AKAP9: variants seen among roughly 807,000 people sequenced by gnomAD.
AKAP9 encodes A-kinase anchor protein 9.
A neutral mutation model predicts 488.5 loss-of-function variants in AKAP9; 311 were observed. The ratio of observed to expected loss-of-function variants is 0.64; its 90% CI spans 0.58 to 0.70. AKAP9 has a LOEUF of 0.70. AKAP9 is among the 30% of genes least tolerant of loss of function. The pLI, the probability that AKAP9 is intolerant of heterozygous loss-of-function variation, is 0.00. For missense variants in AKAP9, 4,215 were observed against 4,374.5 expected (o/e 0.96, Z 1.03); for synonymous variants, 1,462 against 1,483.5 (o/e 0.99, Z 0.33).
At chr7:92,108,895 T>C (rs898068804) in intron 49 of AKAP9, 1 of 511,118 alleles carries the variant, frequency 2.0e-6, no homozygotes, top group Non-Finnish European at 3.6e-6. Context: ...AGCGGACTGA[T>C]GACACAAAAT....
chr7:92,015,499 G>A (rs961982100), intron 10 of AKAP9, among the ~76,000 whole-genome samples: 1 of 151,866 alleles, frequency 6.6e-6, no homozygotes, highest in African/African-American at 2.4e-5. Context: ...GAGTAGCTGG[G>A]ATGACAGATG....
Position 91,940,995 on chromosome 7 carries a change from C to T in AKAP9, c.-105C>T, listed in dbSNP as rs886062465. 2 of 1,227,814 alleles carry T rather than the reference C, an allele frequency of 1.6e-6. No individual in the cohort carries two copies. The highest frequency in any genetic ancestry group is 2.4e-6 in the Non-Finnish European group (2 of 828,294). 76.1% of individuals were successfully genotyped at this position (1,227,814 alleles called of 1,614,324 possible). A position where few individuals can be genotyped will look rare whatever the true frequency, so the allele number is the denominator to read the frequency against. On this transcript the variant is annotated 5_prime_UTR_variant, in exon 1 of 50. Transcript: ENST00000356239. ...GGGAGCGCCGGACCGAATCGGCTCT[C>T]TAGGCCGTGGAGCTTGCCGTCCCAC...
chr7:92,103,735 C>T (rs1818033446), intron 46 of AKAP9, among the ~76,000 whole-genome samples: 1 of 151,668 alleles, frequency 6.6e-6, no homozygotes, highest in Admixed American at 6.6e-5. Context: ...TGAACAAGCT[C>T]ACACATGTAA....
At chr7:91,964,212 A>C (rs1183253051) in intron 1 of AKAP9, among the ~76,000 whole-genome samples, 1 of 152,212 alleles carries the variant, frequency 6.6e-6, no homozygotes, top group Admixed American at 6.5e-5. Context: ...ATTAAAATTC[A>C]AGCTAGATAC....
In AKAP9 at chr7:92,040,760, A is replaced by G. The variant is rs1295735076; in HGVS notation, c.4779A>G (p.Glu1593=). 4 of 1,613,892 alleles carry G rather than the reference A, an allele frequency of 2.5e-6. No individual in the cohort carries two copies. The African/African-American group carries it at 4.0e-5, about 16-fold the overall frequency. The change falls in exon 18 of 50, where the codon GAA becomes GAG. Residue 1593 remains glutamate (E), a synonymous_variant. Coordinates refer to ENST00000356239, the MANE Select transcript of AKAP9 (RefSeq NM_005751.5). ...AACAGTTGGAAGATATGAGACAGGAACTTGTACGACAATACCAAGAACATC... is the reference window on the plus strand; with the variant it reads ...AACAGTTGGAAGATATGAGACAGGAGCTTGTACGACAATACCAAGAACATC... ...NEEQLEDMRQ[E]LVRQYQEHQQ... is the part of the protein sequence containing the mutation.
chr7:91,980,268 T>TA (rs1314317580), intron 2 of AKAP9, 21 bp from the exon 3 acceptor site: 1 of 1,521,376 alleles, frequency 6.6e-7, no homozygotes, highest in Admixed American at 1.7e-5. Flanking sequence ...TAATTATATT[T>TA]GGTTTTTATT....
chr7:92,101,363 G>A (rs1033144208), intron 45 of AKAP9, among the ~76,000 whole-genome samples: 9 of 151,802 alleles, frequency 5.9e-5, no homozygotes, highest in African/African-American at 2.2e-4. Context: ...CTTGAACCCA[G>A]GAAGCGGAGG....
intron 1 of AKAP9, among the ~76,000 whole-genome samples, chr7:91,942,031 C>G (rs1161280190): frequency 6.6e-6 from 1 of 152,098 alleles, no homozygotes; most frequent in Non-Finnish European, 1.5e-5. Flanking sequence ...TAGCATATTT[C>G]TTTTAAAAAT....
At position 91,961,231 on chromosome 7, in the gene AKAP9, C is replaced by T. The variant is rs368219313; in HGVS notation, c.49-12480C>T. Among the ~76,000 whole-genome samples the T allele has an allele frequency of 2.6e-5, 4 of 152,034 alleles. 1 individual carries two copies. On this transcript the variant is annotated intron_variant, in intron 1 of 49. Transcript: ENST00000356239. ...CTGGAGTGCAGTGGTGCCATCTCAG[C>T]TCACTGTGACCTCCGCCTCCCGGGT...
At chr7:92,092,207 T>G (rs1815750967) in intron 38 of AKAP9, 1 of 152,226 alleles carries the variant, frequency 6.6e-6, no homozygotes, top group African/African-American at 2.4e-5. Flanking sequence ...CTGAGGCATT[T>G]AAAATTTTCA....
chr7:92,084,681 G>T lies in AKAP9; in HGVS notation c.8688G>T (p.Gln2896His). The change falls in exon 34 of 50, where the codon CAG (glutamine) becomes CAT (histidine). Residue 2896 changes from glutamine (Q) to histidine (H), a missense_variant. By Grantham distance (24) the Gln-to-His change is conservative. This residue lies in a region of AKAP9 where 1,476 missense variants were observed against 1,477.4 expected (regional missense o/e 1.00). Coordinates refer to ENST00000356239, the MANE Select transcript of AKAP9 (RefSeq NM_005751.5). ...IPELAHSDAY[Q>H]TREICSSDSG... ...AGCTAGCACATTCTGATGCTTACCA[G>T]ACTAGAGAAATATGCTCCAGTGGTA... is the stretch of plus-strand genomic sequence containing the variant. The T allele has an allele frequency of 6.2e-7, 1 of 1,610,220 alleles. No homozygotes were observed. The highest frequency in any genetic ancestry group is 1.1e-5 in the South Asian group (1 of 90,870).
intron 1 of AKAP9, among the ~76,000 whole-genome samples, chr7:91,946,613 A>C (rs545379814): frequency 6.6e-6 from 1 of 152,090 alleles, no homozygotes; most frequent in African/African-American, 2.4e-5. Flanking sequence ...GGCTCAAGCA[A>C]TCCTCCTGCC....
chr7:92,045,830 CTTT>C (rs35346628), intron 21 of AKAP9, among the ~76,000 whole-genome samples: 3 of 108,912 alleles, frequency 2.8e-5, no homozygotes, highest in Non-Finnish European at 5.6e-5. Context: ...CTTTCCGTTT[CTTT>C]TTTTTTTTTT....
At chr7:91,983,133 A>G (rs1293420443) in intron 3 of AKAP9, among the ~76,000 whole-genome samples, 1 of 151,738 alleles carries the variant, frequency 6.6e-6, no homozygotes, top group African/African-American at 2.4e-5. Context: ...TACATGTGCC[A>G]TGTTGGTTTG....
At chr7:91,989,308 A>T (rs1797486222) in intron 3 of AKAP9, among the ~76,000 whole-genome samples, 1 of 152,194 alleles carries the variant, frequency 6.6e-6, no homozygotes, top group South Asian at 2.1e-4. Flanking sequence ...GTCAAATAAT[A>T]TTATTCCAAG....
In AKAP9 at chr7:92,082,386, G is replaced by C. The variant is rs1813734699; in HGVS notation, c.8020-136G>C. On this transcript the variant is annotated intron_variant, in intron 31 of 49. Coordinates refer to ENST00000356239, the MANE Select transcript of AKAP9 (RefSeq NM_005751.5). ...GAAAAAGCTTCTCTGTTTTTGGAAA[G>C]AGCATTGATTTGTTCCAACTCCTTA... 9 of 838,674 alleles carry C rather than the reference G, an allele frequency of 1.1e-5. No homozygotes were observed. In the South Asian group the frequency reaches 1.1e-4, roughly 11 times the overall value. 52.0% of individuals were successfully genotyped at this position (838,674 alleles called of 1,614,324 possible).
At chr7:91,976,383 A>C (rs1406192557) in intron 2 of AKAP9, among the ~76,000 whole-genome samples, 1 of 151,930 alleles carries the variant, frequency 6.6e-6, no homozygotes, top group East Asian at 1.9e-4. Context: ...CACCACACCT[A>C]GCTAATTTGT....
At chr7:92,097,856 C>A in intron 42 of AKAP9, 62 bp downstream of exon 42, 1 of 1,520,760 alleles carries the variant, frequency 6.6e-7, no homozygotes, top group South Asian at 1.1e-5. Context: ...GACCCCATGC[C>A]TCTGGGACAG....
intron 1 of AKAP9, among the ~76,000 whole-genome samples, chr7:91,962,389 T>G (rs6964850): frequency 6.6e-6 from 1 of 152,190 alleles, no homozygotes; most frequent in Non-Finnish European, 1.5e-5. Flanking sequence ...GTGTTTTAAT[T>G]CATTTAATAA....
Sources: gnomAD v4.1 joint callset for allele counts (sites outside exome capture counted in the v4.1 genomes callset) on GRCh38, gnomAD v4.1.1 for gene constraint, gnomAD v4.1.1 regional missense constraint, MANE v1.5 for transcripts, NCBI Gene and HGNC (gene_info 2026-07-23, HGNC 2026-07-21) for gene names.